CADM1: variants seen among roughly 807,000 people sequenced by gnomAD.
The protein encoded by CADM1 is cell adhesion molecule 1, also known as TSLC-1.
In CADM1, 15 loss-of-function variants were observed where a neutral mutation model predicts 53.1. The observed-to-expected ratio is 0.28, with a 90% CI of 0.19 to 0.44. The LOEUF is 0.44. CADM1 is among the 20% of genes least tolerant of loss of function. The pLI is 1.00. For synonymous variants in CADM1, 281 were observed against 243.0 expected (o/e 1.16, Z -1.45); for missense variants, 434 against 611.3 (o/e 0.71, Z 3.06).
At chr11:115,207,729 T>C (rs903268157) in intron 8 of CADM1, among the ~76,000 whole-genome samples, 3 of 152,206 alleles carry the variant, frequency 2.0e-5, no homozygotes, top group Non-Finnish European at 4.4e-5. Flanking sequence ...GCTACCTAAC[T>C]GGCACCTTCT....
At chr11:115,476,264 T>C (rs1260353284) in intron 1 of CADM1, among the ~76,000 whole-genome samples, 3 of 152,210 alleles carry the variant, frequency 2.0e-5, no homozygotes, top group African/African-American at 7.2e-5. Context: ...TTTTATAATA[T>C]AAAAACAAAG....
At chr11:115,331,883 G>T (rs11215498) in intron 1 of CADM1, among the ~76,000 whole-genome samples, 41,587 of 145,368 alleles carry the variant, frequency 0.29, 6,482 homozygotes, top group African/African-American at 0.41. Flanking sequence ...CTTTTTTTTT[G>T]TTTTTTTGAG....
intron 1 of CADM1, among the ~76,000 whole-genome samples, chr11:115,423,295 C>T (rs1345579117): frequency 6.6e-6 from 1 of 152,138 alleles, no homozygotes; most frequent in African/African-American, 2.4e-5. Flanking sequence ...AGTTTCCCCC[C>T]TCCAGAAAGA....
At chr11:115,261,731 G>A (rs1591651568) in intron 1 of CADM1, among the ~76,000 whole-genome samples, 1 of 151,168 alleles carries the variant, frequency 6.6e-6, no homozygotes, top group South Asian at 2.1e-4. Flanking sequence ...TCTTGTTTCA[G>A]CCTATTTAGA....
intron 1 of CADM1, among the ~76,000 whole-genome samples, chr11:115,351,106 G>T (rs930462837): frequency 7.0e-6 from 1 of 143,876 alleles, no homozygotes; most frequent in Non-Finnish European, 1.5e-5. Context: ...TTGGCAGATA[G>T]ACATGGTTGC....
rs1938983428 is a variant in CADM1 at position 115,175,447 on chromosome 11, A to T, written c.*1027T>A. ...CAGACGAACTTGCTTTTTCCTACAA[A>T]TTAGTGAGAAGTAAGGCCGATTGGG... is the stretch of plus-strand genomic sequence containing the variant. On this transcript the variant is annotated 3_prime_UTR_variant, in exon 12 of 12. Coordinates refer to ENST00000331581, the MANE Select transcript of CADM1 (RefSeq NM_001301043.2). 4.1e-6 allele frequency: 4 copies of T among 985,728 alleles called. No homozygotes were observed. The African/African-American group carries it at 7.0e-5, about 17-fold the overall frequency. 61.1% of individuals were successfully genotyped at this position (985,728 alleles called of 1,614,324 possible).
intron 1 of CADM1, among the ~76,000 whole-genome samples, chr11:115,430,434 T>C (rs917632741): frequency 1.3e-5 from 2 of 152,232 alleles, no homozygotes; most frequent in African/African-American, 4.8e-5. Flanking sequence ...CACATCTTCT[T>C]GAATTATAAA....
chr11:115,241,453 T>C (rs1341843874), intron 1 of CADM1, among the ~76,000 whole-genome samples: 1 of 152,168 alleles, frequency 6.6e-6, no homozygotes, highest in African/African-American at 2.4e-5. Flanking sequence ...GTAGATGTAA[T>C]GGTCAATTGG....
At chr11:115,223,359 C>CT (rs1443108064) in intron 5 of CADM1, among the ~76,000 whole-genome samples, 1 of 152,110 alleles carries the variant, frequency 6.6e-6, no homozygotes, top group African/African-American at 2.4e-5. Context: ...TTGACCATTC[C>CT]TTTTAGATTT....
intron 1 of CADM1, among the ~76,000 whole-genome samples, chr11:115,410,199 G>A (rs1371246225): frequency 6.6e-6 from 1 of 152,146 alleles, no homozygotes; most frequent in African/African-American, 2.4e-5. Flanking sequence ...CATTAACGAT[G>A]CTAAGCCTAA....
At chr11:115,458,025 C>T (rs1269919230) in intron 1 of CADM1, among the ~76,000 whole-genome samples, 3 of 151,866 alleles carry the variant, frequency 2.0e-5, no homozygotes, top group Non-Finnish European at 4.4e-5. Context: ...CTACCTGTGG[C>T]GTTTACAGAA....
intron 1 of CADM1, among the ~76,000 whole-genome samples, chr11:115,454,567 T>C (rs955977299): frequency 2.0e-5 from 3 of 152,214 alleles, no homozygotes; most frequent in Non-Finnish European, 2.9e-5. Context: ...AAGAGTTTCA[T>C]TGTAATCTCA....
At chr11:115,240,743 C>T (rs1052957324) in intron 1 of CADM1, 1 of 345,246 alleles carries the variant, frequency 2.9e-6, no homozygotes, top group Non-Finnish European at 5.5e-6. Context: ...TTTGTGAATG[C>T]TGAATCTCTC....
intron 1 of CADM1, among the ~76,000 whole-genome samples, chr11:115,416,053 C>A: frequency 6.6e-6 from 1 of 152,154 alleles, no homozygotes; most frequent in African/African-American, 2.4e-5. Context: ...GTGAAAACTT[C>A]AATTCATTAT....
intron 1 of CADM1, among the ~76,000 whole-genome samples, chr11:115,463,981 TATATTATCC>T (rs552157236): frequency 6.6e-5 from 10 of 152,312 alleles, no homozygotes; most frequent in African/African-American, 1.7e-4. Context: ...CAAGAAATGC[TATATTATCC>T]CATAGGCCTT....
chr11:115,453,101 G>A (rs1948609636), intron 1 of CADM1, among the ~76,000 whole-genome samples: 1 of 152,132 alleles, frequency 6.6e-6, no homozygotes, highest in South Asian at 2.1e-4. Flanking sequence ...ACTCGACCAG[G>A]TGCAGTGGCT....
At chr11:115,315,982 T>C (rs556867353) in intron 1 of CADM1, among the ~76,000 whole-genome samples, 21 of 152,150 alleles carry the variant, frequency 1.4e-4, no homozygotes, top group Non-Finnish European at 3.1e-4. Context: ...GTTGGTTTAA[T>C]ATGGAGCATT....
chr11:115,340,579 T>C (rs1284055358), intron 1 of CADM1, among the ~76,000 whole-genome samples: 1 of 123,312 alleles, frequency 8.1e-6, no homozygotes, highest in Admixed American at 8.9e-5. Flanking sequence ...TTATTTAAAA[T>C]CAAATTTCCC....
At chr11:115,458,964 C>T (rs1038732228) in intron 1 of CADM1, among the ~76,000 whole-genome samples, 5 of 152,136 alleles carry the variant, frequency 3.3e-5, no homozygotes, top group African/African-American at 7.2e-5. Flanking sequence ...CATAGCAAGG[C>T]TTCACAATTC....
Sources: allele counts gnomAD v4.1 joint callset (sites outside exome capture counted in the v4.1 genomes callset), GRCh38; gene constraint gnomAD v4.1.1; transcripts MANE v1.5; gene names NCBI Gene and HGNC (gene_info 2026-07-23, HGNC 2026-07-21).